Variants in CHIC2 observed in about 807,000 individuals in gnomAD.
CHIC2 encodes the protein cysteine rich hydrophobic domain 2.
A neutral mutation model predicts 25.9 loss-of-function variants in CHIC2; 14 were observed. That is an observed-to-expected ratio of 0.54 (90% CI 0.36 to 0.85). The LOEUF is 0.85. CHIC2 is among the 40% of genes least tolerant of loss of function. CHIC2 has a pLI of 0.01. For missense variants in CHIC2, 146 were observed against 202.0 expected, an observed-to-expected ratio of 0.72 and a Z score of 1.68; for synonymous variants, 70 against 72.0, an observed-to-expected ratio of 0.97 and a Z score of 0.14.
intron 3 of CHIC2, among the ~76,000 whole-genome samples, chr4:54,047,794 TATA>T (rs1410447916): frequency 6.6e-6 from 1 of 151,984 alleles, no homozygotes; most frequent in Non-Finnish European, 1.5e-5. Flanking sequence ...GAATTTAACG[TATA>T]ATAATTAAAA....
intron 1 of CHIC2, among the ~76,000 whole-genome samples, chr4:54,053,283 G>A (rs1291004023): frequency 6.6e-6 from 1 of 152,214 alleles, no homozygotes; most frequent in Non-Finnish European, 1.5e-5. Context: ...CTGGCTGGGT[G>A]TGGTGGCTCA....
At chr4:54,087,259 C>A in the CHIC2 span, 32 of 602,380 alleles carry the variant, frequency 5.3e-5, no homozygotes, top group Admixed American at 7.3e-4. Context: ...AAAGCGAGGA[C>A]GCATTTAAGA....
the CHIC2 span, among the ~76,000 whole-genome samples, chr4:54,084,617 T>G: frequency 6.6e-6 from 1 of 151,990 alleles, no homozygotes. Flanking sequence ...GCACCCAGAA[T>G]AGTGAAATAG....
At chr4:54,064,625 C>A, upstream of CHIC2, 1 of 1,102,478 alleles carries the variant, frequency 9.1e-7, no homozygotes, top group Non-Finnish European at 1.1e-6. The surrounding 1 kb of genome is among the most constrained non-coding windows in gnomAD (Gnocchi z 4.2). Context: ...GCCCGAGCCA[C>A]CCGCAGCGGG....
the CHIC2 span, among the ~76,000 whole-genome samples, chr4:54,070,930 A>T: frequency 1.3e-5 from 2 of 152,212 alleles, no homozygotes; most frequent in African/African-American, 4.8e-5. Context: ...CATCTGACCT[A>T]AAATGTTCAG....
chr4:54,041,063 C>T (rs928913687), intron 3 of CHIC2, among the ~76,000 whole-genome samples: 5 of 150,266 alleles, frequency 3.3e-5, no homozygotes, highest in Non-Finnish European at 7.4e-5. Flanking sequence ...ATTACAGGCA[C>T]GTGCCACCAT....
the CHIC2 span, among the ~76,000 whole-genome samples, chr4:54,079,591 TA>T: frequency 6.6e-6 from 1 of 152,090 alleles, no homozygotes; most frequent in Non-Finnish European, 1.5e-5. Flanking sequence ...AAACCTGATT[TA>T]AAGATAGGCA....
At chr4:54,080,738 A>G in the CHIC2 span, among the ~76,000 whole-genome samples, 6 of 149,510 alleles carry the variant, frequency 4.0e-5, no homozygotes, top group African/African-American at 9.8e-5. Flanking sequence ...CTTGGGCTAC[A>G]GAGTGAGACT....
intron 3 of CHIC2, among the ~76,000 whole-genome samples, chr4:54,015,957 T>A (rs1340283049): frequency 1.3e-5 from 2 of 152,188 alleles, no homozygotes. Flanking sequence ...GGCAATAGGT[T>A]CTACTCTGAG....
the CHIC2 span, among the ~76,000 whole-genome samples, chr4:54,071,979 A>AAAT: frequency 2.9e-4 from 44 of 150,290 alleles, no homozygotes; most frequent in Non-Finnish European, 5.6e-4. Flanking sequence ...ATCTAAATCT[A>AAAT]AATAATAATA....
At chr4:54,090,594 A>G in the CHIC2 span, among the ~76,000 whole-genome samples, 1 of 152,154 alleles carries the variant, frequency 6.6e-6, no homozygotes, top group Non-Finnish European at 1.5e-5. Context: ...ATCACACATC[A>G]ACGTCGTCAT....
At chr4:54,059,111 T>C (rs1030385426) in intron 1 of CHIC2, among the ~76,000 whole-genome samples, 2 of 152,186 alleles carry the variant, frequency 1.3e-5, no homozygotes, top group Non-Finnish European at 2.9e-5. Flanking sequence ...ATTAAGAAGT[T>C]TTAGTAGTTG....
At chr4:54,059,049 T>C (rs1717257569) in intron 1 of CHIC2, among the ~76,000 whole-genome samples, 1 of 152,162 alleles carries the variant, frequency 6.6e-6, no homozygotes, top group Admixed American at 6.5e-5. Context: ...AGTAAAAACT[T>C]TGAAACCTCA....
At chr4:54,053,067 T>TA (rs1717056888) in intron 1 of CHIC2, among the ~76,000 whole-genome samples, 1 of 152,162 alleles carries the variant, frequency 6.6e-6, no homozygotes, top group South Asian at 2.1e-4. Flanking sequence ...AACATAAACT[T>TA]ATTTACCTTC....
chr4:54,028,863 G>A (rs978197963), intron 3 of CHIC2, among the ~76,000 whole-genome samples: 11 of 152,146 alleles, frequency 7.2e-5, no homozygotes, highest in African/African-American at 2.4e-5. Flanking sequence ...AGCGGCTCAC[G>A]CCTGTAATCC....
the CHIC2 span, chr4:54,087,715 A>G: frequency 1.9e-6 from 1 of 530,314 alleles, no homozygotes. Context: ...TCTGGCAAAG[A>G]ATTCTGCATC....
At chr4:54,036,815 C>T (rs1221575944) in intron 3 of CHIC2, among the ~76,000 whole-genome samples, 1 of 123,734 alleles carries the variant, frequency 8.1e-6, no homozygotes, top group Non-Finnish European at 1.7e-5. Flanking sequence ...GGAAAGGAAG[C>T]TAAACATACA....
chr4:54,024,092 C>G (rs1198856136), intron 3 of CHIC2, among the ~76,000 whole-genome samples: 2 of 152,180 alleles, frequency 1.3e-5, no homozygotes, highest in African/African-American at 4.8e-5. Flanking sequence ...TCCTTCTCGT[C>G]AGTCACTCCC....
At chr4:54,061,803 G>C (rs1475189473) in intron 1 of CHIC2, among the ~76,000 whole-genome samples, 1 of 152,054 alleles carries the variant, frequency 6.6e-6, no homozygotes, top group Non-Finnish European at 1.5e-5. Flanking sequence ...TTTCAATGCA[G>C]AAAGATCCTT....
Sources: allele counts gnomAD v4.1 joint callset (sites outside exome capture counted in the v4.1 genomes callset), GRCh38; gene constraint gnomAD v4.1.1; non-coding constraint Gnocchi (gnomAD v3.1); transcripts MANE v1.5; gene names NCBI Gene and HGNC (gene_info 2026-07-23, HGNC 2026-07-21).